The following ADCY2 variants were observed in gnomAD, a reference collection of about 807,000 sequenced individuals.
The protein encoded by ADCY2 is adenylate cyclase 2.
Under a neutral mutation model 125.2 loss-of-function variants are expected in ADCY2, and 31 were observed. That is an observed-to-expected ratio of 0.25 (90% CI 0.19 to 0.33). The LOEUF is 0.33. Among genes scored for constraint, ADCY2 ranks in the 10% least tolerant of loss-of-function variants. The probability of loss-of-function intolerance (pLI) is 1.00; values close to 1 mark genes in which losing one functional copy is unlikely to be tolerated. For synonymous variants in ADCY2, 512 were observed against 548.4 expected (o/e 0.93, Z 0.93); for missense variants, 904 against 1,418.2 (o/e 0.64, Z 5.82).
intron 2 of ADCY2, among the ~76,000 whole-genome samples, chr5:7,501,044 C>T (rs1266847945): frequency 2.0e-5 from 3 of 151,074 alleles, no homozygotes; most frequent in Non-Finnish European, 4.4e-5. Flanking sequence ...TTTCTGAAAA[C>T]GTCTTTATGT....
At chr5:7,438,897 G>A (rs534860182) in intron 2 of ADCY2, among the ~76,000 whole-genome samples, 7 of 152,114 alleles carry the variant, frequency 4.6e-5, no homozygotes, top group Non-Finnish European at 1.0e-4. Flanking sequence ...AGGGTCCCTT[G>A]GTTTGAGAGA....
chr5:7,527,392 T>A lies in ADCY2; in HGVS notation c.570+6493T>A, dbSNP rs776639040. Among the ~76,000 whole-genome samples the A allele has an allele frequency of 5.9e-5, 9 of 152,244 alleles. No homozygotes were observed. The South Asian group carries it at 1.0e-3, about 17-fold the overall frequency. On this transcript the variant is annotated intron_variant, in intron 3 of 24. Transcript: ENST00000338316. ...TAATAATGAGCCAACCTCAAGGAAT[T>A]TCCATATATTCCTATGTATACATCA...
At chr5:7,743,505 C>T (rs1742504908) in intron 14 of ADCY2, among the ~76,000 whole-genome samples, 163 bp from the exon 15 acceptor site, 1 of 152,172 alleles carries the variant, frequency 6.6e-6, no homozygotes, top group Non-Finnish European at 1.5e-5. Context: ...TTTCTATGGA[C>T]ATGTATGTGG....
At chr5:7,592,842 G>A (rs1025130953) in intron 3 of ADCY2, among the ~76,000 whole-genome samples, 12 of 152,068 alleles carry the variant, frequency 7.9e-5, no homozygotes, top group Non-Finnish European at 1.2e-4. Flanking sequence ...AGAACATGAA[G>A]CACCCCCCAG....
chr5:7,740,737 G>C (rs1182264377), intron 14 of ADCY2, among the ~76,000 whole-genome samples: 4 of 152,040 alleles, frequency 2.6e-5, no homozygotes, highest in African/African-American at 9.7e-5. Flanking sequence ...AATGGAAATT[G>C]AAAGTATAGG....
intron 4 of ADCY2, among the ~76,000 whole-genome samples, chr5:7,629,617 A>C (rs902721518): frequency 2.6e-5 from 4 of 152,210 alleles, no homozygotes; most frequent in Non-Finnish European, 4.4e-5. Flanking sequence ...GGTAGGGAAA[A>C]GAATGCATTG....
At chr5:7,550,239 G>A (rs1046290986) in intron 3 of ADCY2, among the ~76,000 whole-genome samples, 1 of 152,056 alleles carries the variant, frequency 6.6e-6, no homozygotes, top group Non-Finnish European at 1.5e-5. Context: ...AATTGATGAA[G>A]AACTTTTTTT....
At chr5:7,639,685 C>A (rs1308670612) in intron 4 of ADCY2, among the ~76,000 whole-genome samples, 1 of 152,170 alleles carries the variant, frequency 6.6e-6, no homozygotes, top group East Asian at 1.9e-4. Flanking sequence ...TGGATGAGCT[C>A]AGGTATTATT....
chr5:7,784,457 G>A lies in ADCY2; in HGVS notation c.2469+8G>A. 6.2e-7 allele frequency: 1 copy of A among 1,604,584 alleles called. No homozygotes were observed. Among genetic ancestry groups the A allele is most frequent in the Non-Finnish European group, 8.5e-7 (1 of 1,171,846 alleles). The stretch of plus-strand genomic sequence containing the variant: ...CTTGTTCTGGGTAGACAGGTAAGAA[G>A]TCTGTTTATATATATGTATGTATAC... On this transcript the variant is annotated splice_region_variant and intron_variant, in intron 19 of 24. Coordinates refer to ENST00000338316, the MANE Select transcript of ADCY2 (RefSeq NM_020546.3).
rs79187832 is a variant in ADCY2 at position 7,824,896 on chromosome 5, G to A, written c.3124-1823G>A. ...TACCTCTGCCCCAACAGTGATGTCT[G>A]CCCTCAAGGCCTTTCTTAGTCTCCA... On this transcript the variant is annotated intron_variant, in intron 24 of 24. Transcript: ENST00000338316. 2.2e-4 allele frequency among the ~76,000 whole-genome samples: 33 copies of A among 152,302 alleles called. No homozygotes were observed. In the East Asian group the frequency reaches 5.6e-3, roughly 26 times the overall value.
intron 2 of ADCY2, among the ~76,000 whole-genome samples, chr5:7,476,279 C>A (rs1742521534): frequency 6.6e-6 from 1 of 151,912 alleles, no homozygotes; most frequent in African/African-American, 2.4e-5. Context: ...GGGTGAGATC[C>A]CCCAGGAAGC....
At chr5:7,438,232 G>A (rs1257384406) in intron 2 of ADCY2, among the ~76,000 whole-genome samples, 1 of 152,120 alleles carries the variant, frequency 6.6e-6, no homozygotes, top group Non-Finnish European at 1.5e-5. Context: ...TCCTTGTTAG[G>A]GCATTGTGCT....
intron 2 of ADCY2, among the ~76,000 whole-genome samples, chr5:7,460,372 G>A (rs571696450): frequency 3.9e-4 from 59 of 152,082 alleles, no homozygotes; most frequent in Non-Finnish European, 6.3e-4. Context: ...GGGACTATAG[G>A]TCCATGCCAC....
chr5:7,658,070 C>T (rs900370162), intron 4 of ADCY2: 1 of 152,238 alleles, frequency 6.6e-6, no homozygotes, highest in South Asian at 2.1e-4. Flanking sequence ...TCGACACGAA[C>T]CCTCTTCTAG....
rs745431093 is a variant in ADCY2, at chr5:7,757,518, C to A, written c.2026C>A (p.Pro676Thr). The A allele has an allele frequency of 6.2e-7, 1 of 1,614,008 alleles. No individual in the cohort carries two copies. The highest frequency in any genetic ancestry group is 8.5e-7 in the Non-Finnish European group (1 of 1,180,026). The change falls in exon 16 of 25, where the codon CCC (proline) becomes ACC (threonine). Residue 676 changes from proline to threonine, a missense_variant. Transcript: ENST00000338316. The stretch of plus-strand genomic sequence containing the variant: ...GTCCTCGGGCATCATTGCCAACCGC[C>A]CCTGGCCACGGATCTCTCTCACGAT... ...LKSSGIIANR[P>T]WPRISLTIIT...
chr5:7,693,421 T>TTTTTTTTTTTTTTTG (rs1740783327), intron 5 of ADCY2, among the ~76,000 whole-genome samples: 1 of 120,614 alleles, frequency 8.3e-6, no homozygotes, highest in Non-Finnish European at 1.8e-5. Context: ...TTGTTTTTTT[T>TTTTTTTTTTTTTTTG]TTTTTTTTTT....
At chr5:7,752,572 T>G (rs988763874) in intron 15 of ADCY2, among the ~76,000 whole-genome samples, 6 of 152,118 alleles carry the variant, frequency 3.9e-5, no homozygotes, top group Non-Finnish European at 7.4e-5. Context: ...AATGAAACTG[T>G]AAATGAAGTC....
chr5:7,444,372 C>T (rs1741149377), intron 2 of ADCY2, among the ~76,000 whole-genome samples: 1 of 152,162 alleles, frequency 6.6e-6, no homozygotes, highest in African/African-American at 2.4e-5. Context: ...GCCTCGGCCT[C>T]CCAAAGTGCT....
intron 17 of ADCY2, among the ~76,000 whole-genome samples, chr5:7,769,908 C>T (rs1364366696): frequency 6.6e-6 from 1 of 152,202 alleles, no homozygotes; most frequent in Non-Finnish European, 1.5e-5. Context: ...CCAGTAAGTA[C>T]ACTCCAATAG....
Sources: allele counts gnomAD v4.1 joint callset (sites outside exome capture counted in the v4.1 genomes callset), GRCh38; gene constraint gnomAD v4.1.1; transcripts MANE v1.5; gene names NCBI Gene and HGNC (gene_info 2026-07-23, HGNC 2026-07-21).